AHCYL2: variants seen among roughly 807,000 people sequenced by gnomAD.
AHCYL2 encodes the protein S-adenosylhomocysteine hydrolase-like protein 2.
AHCYL2 carries 28 observed loss-of-function variants against 81.4 expected under a neutral mutation model. That is an observed-to-expected ratio of 0.34 (90% CI 0.25 to 0.47). The LOEUF is 0.47. Ranked by LOEUF, AHCYL2 falls within the 20% of genes least tolerant of loss-of-function variation. The probability of loss-of-function intolerance (pLI) is 1.00; values close to 1 mark genes in which losing one functional copy is unlikely to be tolerated. For synonymous variants in AHCYL2, 272 were observed against 290.2 expected (o/e 0.94, Z 0.64); for missense variants, 551 against 785.1 (o/e 0.70, Z 3.56).
chr7:129,234,718 A>G (rs756019951), intron 1 of AHCYL2, among the ~76,000 whole-genome samples: 1 of 151,684 alleles, frequency 6.6e-6, no homozygotes, highest in Non-Finnish European at 1.5e-5. Context: ...CTGGCCTCGA[A>G]TTCCTCGCTT....
At chr7:129,292,142 T>A (rs894196656) in intron 1 of AHCYL2, among the ~76,000 whole-genome samples, 1 of 152,200 alleles carries the variant, frequency 6.6e-6, no homozygotes, top group Non-Finnish European at 1.5e-5. Context: ...GGACTACTGC[T>A]TGTAACAATT....
chr7:129,363,325 T>C (rs545717543), intron 1 of AHCYL2, among the ~76,000 whole-genome samples: 2 of 152,330 alleles, frequency 1.3e-5, no homozygotes, highest in East Asian at 3.9e-4. Context: ...CTAGTACTTA[T>C]ACCTATACCT....
intron 1 of AHCYL2, among the ~76,000 whole-genome samples, chr7:129,323,892 A>G (rs1168555260): frequency 6.7e-5 from 6 of 90,176 alleles, no homozygotes; most frequent in African/African-American, 2.3e-4. Flanking sequence ...TTTTTTTTTG[A>G]CAGAGTCTCA....
chr7:129,400,986 A>T (rs1796002755), intron 6 of AHCYL2, among the ~76,000 whole-genome samples: 1 of 152,138 alleles, frequency 6.6e-6, no homozygotes, highest in Non-Finnish European at 1.5e-5. Context: ...ATTTTTTAGA[A>T]GATCAAGTCT....
chr7:129,426,621 G>A lies in AHCYL2; in HGVS notation c.1829+58G>A. ...TGGGCAGTGATGAGCTTCCTGCACT[G>A]GAATTGGTCTTTGCATCCCCAACCA... On this transcript the variant is annotated intron_variant, in intron 16 of 16. Coordinates refer to ENST00000325006, the MANE Select transcript of AHCYL2 (RefSeq NM_015328.4). This position sits in a 1 kb window ranked among gnomAD's most constrained non-coding sequence, Gnocchi z 4.3. 1 of 1,577,274 alleles carries A rather than the reference G, an allele frequency of 6.3e-7. No individual in the cohort carries two copies. The highest frequency in any genetic ancestry group is 8.6e-7 in the Non-Finnish European group (1 of 1,164,928).
chr7:129,421,174 C>T (rs916330247), intron 12 of AHCYL2, among the ~76,000 whole-genome samples: 3 of 151,966 alleles, frequency 2.0e-5, no homozygotes, highest in African/African-American at 7.3e-5. Flanking sequence ...ATCGCTTGAA[C>T]CCAGGAGGCA....
chr7:129,238,597 T>C (rs905788710), intron 1 of AHCYL2, among the ~76,000 whole-genome samples: 1 of 152,062 alleles, frequency 6.6e-6, no homozygotes, highest in African/African-American at 2.4e-5. Flanking sequence ...GAAACAGGAA[T>C]TGTAGTTTGA....
chr7:129,416,916 G>A (rs973177010), intron 12 of AHCYL2, among the ~76,000 whole-genome samples: 4 of 151,982 alleles, frequency 2.6e-5, no homozygotes, highest in African/African-American at 7.2e-5. Flanking sequence ...CCAGGAGTTC[G>A]AGGCCAGCCT....
At chr7:129,272,521 G>A (rs916836252) in intron 1 of AHCYL2, among the ~76,000 whole-genome samples, 1 of 152,142 alleles carries the variant, frequency 6.6e-6, no homozygotes, top group African/African-American at 2.4e-5. Flanking sequence ...ATTTGGTGAG[G>A]GTTAAAGATG....
chr7:129,374,762 G>A (rs181190820), intron 1 of AHCYL2, among the ~76,000 whole-genome samples: 1,523 of 144,498 alleles, frequency 0.011, 14 homozygotes, highest in Non-Finnish European at 0.015. Context: ...AGCCGAGATC[G>A]CATCATTGCA....
At chr7:129,382,865 C>T (rs567934043) in intron 2 of AHCYL2, among the ~76,000 whole-genome samples, 1 of 152,112 alleles carries the variant, frequency 6.6e-6, no homozygotes, top group African/African-American at 2.4e-5. Context: ...AAGATCATGC[C>T]ATTGCACTCC....
At chr7:129,360,387 A>T (rs2150842060) in intron 1 of AHCYL2, among the ~76,000 whole-genome samples, 1 of 152,350 alleles carries the variant, frequency 6.6e-6, no homozygotes, top group Middle Eastern at 3.4e-3. Context: ...AGGTGCTGGG[A>T]TTACAGGCGT....
At chr7:129,361,083 A>G (rs1156793646) in intron 1 of AHCYL2, among the ~76,000 whole-genome samples, 1 of 152,118 alleles carries the variant, frequency 6.6e-6, no homozygotes, top group Non-Finnish European at 1.5e-5. Context: ...CAGAATGGGC[A>G]TTTTATTTTA....
intron 1 of AHCYL2, among the ~76,000 whole-genome samples, chr7:129,278,618 C>G (rs1002502994): frequency 6.6e-6 from 1 of 151,982 alleles, no homozygotes; most frequent in Non-Finnish European, 1.5e-5. Context: ...GGTGTCATAT[C>G]TAAGAAATCT....
intron 1 of AHCYL2, among the ~76,000 whole-genome samples, chr7:129,289,955 T>C (rs1286623539): frequency 1.3e-5 from 2 of 151,948 alleles, no homozygotes; most frequent in African/African-American, 2.4e-5. Context: ...ACTAATTTTG[T>C]ATTTTTAGTA....
intron 1 of AHCYL2, among the ~76,000 whole-genome samples, chr7:129,268,339 CTTTT>C (rs1462876805): frequency 6.6e-6 from 1 of 151,954 alleles, no homozygotes; most frequent in South Asian, 2.1e-4. Flanking sequence ...CTTGTGCTTT[CTTTT>C]TTTGTTTTTG....
intron 5 of AHCYL2, 56 bp from the exon 6 acceptor site, chr7:129,400,234 A>AG: frequency 1.3e-6 from 2 of 1,482,816 alleles, no homozygotes; most frequent in Middle Eastern, 1.7e-4. Flanking sequence ...CACTAAAATT[A>AG]GGGGGTCAGC....
rs1281666200 is a variant in AHCYL2 at position 129,427,400 on chromosome 7, T to A, written c.*355T>A. ...ACGAGTTAGTCCAGGGATTCCATAC[T>A]CCCTATTCCCTGGAGTTTTCTGGAA... On this transcript the variant is annotated 3_prime_UTR_variant, in exon 17 of 17. Transcript: ENST00000325006. The surrounding 1 kb of genome is among the most constrained non-coding windows in gnomAD (Gnocchi z 5.5). The A allele has an allele frequency of 5.3e-6, 1 of 186,968 alleles. No homozygotes were observed. Among genetic ancestry groups the A allele is most frequent in the East Asian group, 1.3e-4 (1 of 7,622 alleles). 11.6% of individuals were successfully genotyped at this position (186,968 alleles called of 1,614,324 possible). A position where few individuals can be genotyped will look rare whatever the true frequency, so the allele number is the denominator to read the frequency against.
At chr7:129,372,430 AT>A (rs1436516149) in intron 1 of AHCYL2, among the ~76,000 whole-genome samples, 1 of 152,160 alleles carries the variant, frequency 6.6e-6, no homozygotes, top group Admixed American at 6.5e-5. Flanking sequence ...TTCTTAATAT[AT>A]TACCTGTCTC....
Sources: allele counts gnomAD v4.1 joint callset (sites outside exome capture counted in the v4.1 genomes callset), GRCh38; gene constraint gnomAD v4.1.1; non-coding constraint Gnocchi (gnomAD v3.1); transcripts MANE v1.5; gene names NCBI Gene and HGNC (gene_info 2026-07-23, HGNC 2026-07-21).